Variants in FRMPD2 observed in about 807,000 individuals in gnomAD.
The protein encoded by FRMPD2 is FERM and PDZ domain containing 2, also known as FERM and PDZ domain-containing protein 2.
In FRMPD2, 96 loss-of-function variants were observed where a neutral mutation model predicts 140.1. That is an observed-to-expected ratio of 0.69 (90% CI 0.58 to 0.81). FRMPD2 has a LOEUF of 0.81. Among genes scored for constraint, FRMPD2 ranks in the 40% least tolerant of loss-of-function variants. FRMPD2 has a pLI of 0.00. For synonymous variants in FRMPD2, 449 were observed against 547.6 expected (o/e 0.82, Z 2.52); for missense variants, 1,240 against 1,447.4 (o/e 0.86, Z 2.32).
chr10:48,263,791 A>G (rs897451387), intron 1 of FRMPD2, among the ~76,000 whole-genome samples: 2 of 152,194 alleles, frequency 1.3e-5, no homozygotes, highest in Admixed American at 1.3e-4. Flanking sequence ...TTCTTAATTC[A>G]TTCTATGAGG....
At chr10:48,175,138 C>T in intron 23 of FRMPD2, 183 bp from the exon 24 acceptor site, 1 of 470,642 alleles carries the variant, frequency 2.1e-6, no homozygotes, top group Non-Finnish European at 3.7e-6. Context: ...TCACTCCCTT[C>T]TTCTCAGGCA....
chr10:48,242,368 G>A lies in FRMPD2; in HGVS notation c.376-16C>T. On this transcript the variant is annotated splice_polypyrimidine_tract_variant and intron_variant, in intron 4 of 28. Coordinates refer to ENST00000374201, the MANE Select transcript of FRMPD2 (RefSeq NM_001018071.4). The stretch of plus-strand genomic sequence containing the variant: ...GCTGCAGGGGCTGGAGGCAGACAGG[G>A]CCGGTGAGAGGAGAGAGCAGCCAGA... The A allele has an allele frequency of 2.5e-6, 4 of 1,607,076 alleles. No homozygotes were observed. Among genetic ancestry groups the A allele is most frequent in the Non-Finnish European group, 3.4e-6 (4 of 1,175,346 alleles).
chr10:48,253,351 G>A (rs529208231), intron 1 of FRMPD2, among the ~76,000 whole-genome samples: 1 of 152,304 alleles, frequency 6.6e-6, no homozygotes, highest in Non-Finnish European at 1.5e-5. Flanking sequence ...AAACTTTCAT[G>A]GAGGAAAATG....
intron 1 of FRMPD2, among the ~76,000 whole-genome samples, chr10:48,254,435 CT>C (rs1026492215): frequency 7.9e-5 from 12 of 152,250 alleles, no homozygotes; most frequent in African/African-American, 2.9e-4. Context: ...TCCCACCTCC[CT>C]GTCCCTTGCT....
chr10:48,221,889 G>C (rs1373916830), intron 12 of FRMPD2, among the ~76,000 whole-genome samples: 1 of 151,710 alleles, frequency 6.6e-6, no homozygotes, highest in African/African-American at 2.4e-5. Context: ...TGGATGGGTA[G>C]ATGGGTGGGT....
chr10:48,191,891 G>C (rs938758450), intron 16 of FRMPD2, among the ~76,000 whole-genome samples: 14 of 152,180 alleles, frequency 9.2e-5, no homozygotes, highest in Admixed American at 3.3e-4. Flanking sequence ...AGGTAGCGTG[G>C]TGTAGAGGTT....
Position 48,223,285 on chromosome 10 carries a change from G to C in FRMPD2, c.1169-15C>G. 1 of 1,607,212 alleles carries C rather than the reference G, an allele frequency of 6.2e-7. No homozygotes were observed. The highest frequency in any genetic ancestry group is 8.5e-7 in the Non-Finnish European group (1 of 1,176,442). ...GAACTCTTTGCCTGAAATGGAAATA[G>C]AGCATGTGTGGAAGGAGAAGCAGTA... On this transcript the variant is annotated splice_polypyrimidine_tract_variant and intron_variant, in intron 10 of 28. Coordinates refer to ENST00000374201, the MANE Select transcript of FRMPD2 (RefSeq NM_001018071.4).
Position 48,192,772 on chromosome 10 carries a change from C to T in FRMPD2, c.2077G>A (p.Gly693Ser). Residue 693 changes from glycine to serine, a missense_variant, in exon 16 of 29, where the codon GGT (glycine) becomes AGT (serine). Gly to Ser is a moderately conservative substitution (Grantham distance 56). Around this residue, in one of 6 missense-constraint regions of FRMPD2, gnomAD observed 1,161 missense variants for 1,055.9 expected, o/e 1.10. Coordinates refer to ENST00000374201, the MANE Select transcript of FRMPD2 (RefSeq NM_001018071.4). ...ENELFVSRLQ[G>S]AAGGLLSTSM... ...GTACTCAGCAGGCCTCCTGCAGCAC[C>T]CTGAAGCCTGGATACAAACAACTCG... 6 of 1,614,088 alleles carry T rather than the reference C, an allele frequency of 3.7e-6. No homozygotes were observed. The highest frequency in any genetic ancestry group is 3.3e-5 in the South Asian group (3 of 91,072).
chr10:48,232,093 G>A, intron 10 of FRMPD2, 22 bp downstream of exon 10: 1 of 1,610,824 alleles, frequency 6.2e-7, no homozygotes. Context: ...GGCCAGCTGT[G>A]AGCTGCCCAA....
chr10:48,163,309 C>A lies in FRMPD2; in HGVS notation c.3881+19G>T. 3 of 1,341,734 alleles carry A rather than the reference C, an allele frequency of 2.2e-6. No homozygotes were observed. Among genetic ancestry groups the A allele is most frequent in the Non-Finnish European group, 3.2e-6 (3 of 937,374 alleles). The allele number at this position is 1,341,734 out of a possible 1,614,324, so 83.1% of individuals were successfully genotyped here. A position where few individuals can be genotyped will look rare whatever the true frequency, so the allele number is the denominator to read the frequency against. Reference sequence around the variant, plus strand: ...ATGCACACAGTTTACAAAATGTCTGCAAATGTGGTGATTCTTACCTTCCAA... The same window carrying A: ...ATGCACACAGTTTACAAAATGTCTGAAAATGTGGTGATTCTTACCTTCCAA... On this transcript the variant is annotated intron_variant, in intron 28 of 28. Transcript: ENST00000374201.
intron 10 of FRMPD2, among the ~76,000 whole-genome samples, chr10:48,226,991 C>T (rs2131913930): frequency 6.6e-6 from 1 of 152,262 alleles, no homozygotes; most frequent in African/African-American, 2.4e-5. Context: ...CTCACTCCAG[C>T]CTATGGATGA....
chr10:48,255,934 G>A (rs556655045), intron 1 of FRMPD2, among the ~76,000 whole-genome samples: 6 of 152,334 alleles, frequency 3.9e-5, no homozygotes, highest in African/African-American at 7.2e-5. Flanking sequence ...AGAGGTGGGC[G>A]GGTCCCATCT....
chr10:48,238,733 T>G (rs1840027168), intron 7 of FRMPD2, among the ~76,000 whole-genome samples: 1 of 152,176 alleles, frequency 6.6e-6, no homozygotes, highest in East Asian at 1.9e-4. Context: ...CAGGAAGATA[T>G]GAGCCCATCT....
intron 1 of FRMPD2, among the ~76,000 whole-genome samples, chr10:48,269,022 C>G (rs1011789218): frequency 6.6e-6 from 1 of 151,756 alleles, no homozygotes; most frequent in East Asian, 1.9e-4. Flanking sequence ...TATATAATGG[C>G]AAAAGGGTTA....
At chr10:48,228,314 A>G (rs1410078440) in intron 10 of FRMPD2, among the ~76,000 whole-genome samples, 8 of 151,904 alleles carry the variant, frequency 5.3e-5, no homozygotes, top group Non-Finnish European at 1.2e-4. Flanking sequence ...TATGTTTTAT[A>G]AGATATATCT....
chr10:48,260,991 T>C (rs564258652), intron 1 of FRMPD2, among the ~76,000 whole-genome samples: 1 of 152,312 alleles, frequency 6.6e-6, no homozygotes, highest in South Asian at 2.1e-4. Context: ...TCAACAGCAT[T>C]GCAAGAGAAA....
At chr10:48,252,128 A>C (rs906205894) in intron 1 of FRMPD2, among the ~76,000 whole-genome samples, 1 of 152,024 alleles carries the variant, frequency 6.6e-6, no homozygotes, top group Admixed American at 6.5e-5. Context: ...CACATCTTTC[A>C]TCTCTGGCTG....
chr10:48,239,918 C>G (rs1840063599), intron 6 of FRMPD2, among the ~76,000 whole-genome samples: 1 of 152,026 alleles, frequency 6.6e-6, no homozygotes, highest in African/African-American at 2.4e-5. Flanking sequence ...GCAAAGTGCA[C>G]TTTGTTTTAG....
rs57389978 is a variant in FRMPD2, at chr10:48,183,851, C to CAAAAAAAAAAAAAAAAAAAAAA, written c.2584+714_2584+715insTTTTTTTTTTTTTTTTTTTTTT. Among the ~76,000 whole-genome samples the CAAAAAAAAAAAAAAAAAAAAAA allele has an allele frequency of 6.1e-4, 47 of 76,682 alleles. 1 individual carries two copies. The highest frequency in any genetic ancestry group is 1.4e-3 in the East Asian group (4 of 2,816). The allele number at this position is 76,682 out of a possible 152,430, so 50.3% of individuals were successfully genotyped here. A position where few individuals can be genotyped will look rare whatever the true frequency, so the allele number is the denominator to read the frequency against. On this transcript the variant is annotated intron_variant, in intron 20 of 28. Transcript: ENST00000374201. ...TGGGTGAAAGAGTGAGACTCCATCT[C>CAAAAAAAAAAAAAAAAAAAAAA]AAAAAAAAAAAAGGAAAATCAAATA...
Sources: gnomAD v4.1 joint callset for allele counts (sites outside exome capture counted in the v4.1 genomes callset) on GRCh38, gnomAD v4.1.1 for gene constraint, gnomAD v4.1.1 regional missense constraint, MANE v1.5 for transcripts, NCBI Gene and HGNC (gene_info 2026-07-23, HGNC 2026-07-21) for gene names.